The following DOP1B variants were observed in gnomAD, a reference collection of about 807,000 sequenced individuals.
DOP1B encodes the protein protein DOP1B.
A neutral mutation model predicts 233.5 loss-of-function variants in DOP1B; 174 were observed. The ratio of observed to expected loss-of-function variants is 0.75; its 90% CI spans 0.66 to 0.85. The LOEUF is 0.85. Among genes scored for constraint, DOP1B ranks in the 40% least tolerant of loss-of-function variants. The probability of loss-of-function intolerance (pLI) is 0.00; values close to 1 mark genes in which losing one functional copy is unlikely to be tolerated. For synonymous variants in DOP1B, 1,190 were observed against 1,185.6 expected (o/e 1.00, Z -0.08); for missense variants, 2,652 against 2,846.6 (o/e 0.93, Z 1.56).
intron 9 of DOP1B, 78 bp downstream of exon 9, chr21:36,214,634 A>G (rs2066539831): frequency 8.2e-7 from 1 of 1,214,640 alleles, no homozygotes; most frequent in Non-Finnish European, 1.2e-6. Flanking sequence ...ATGGTGAGAT[A>G]CAACCAAAGC....
chr21:36,235,771 A>C (rs1259130477), intron 15 of DOP1B, among the ~76,000 whole-genome samples: 1 of 150,090 alleles, frequency 6.7e-6, no homozygotes, highest in Non-Finnish European at 1.5e-5. Flanking sequence ...TGTGATCGGC[A>C]TCAACTCTCA....
intron 11 of DOP1B, among the ~76,000 whole-genome samples, chr21:36,224,861 T>A (rs184122691): frequency 6.6e-6 from 1 of 151,944 alleles, no homozygotes; most frequent in Non-Finnish European, 1.5e-5. Flanking sequence ...CTGGAATTAC[T>A]TGGAGAGGAG....
chr21:36,276,522 T>G (rs1039379274), intron 27 of DOP1B, among the ~76,000 whole-genome samples: 2 of 142,400 alleles, frequency 1.4e-5, no homozygotes, highest in Non-Finnish European at 3.1e-5. Context: ...CAGAGCAAGA[T>G]CCTGTCTCAA....
intron 2 of DOP1B, chr21:36,170,454 G>A (rs1601378350): frequency 5.6e-6 from 1 of 179,950 alleles, no homozygotes; most frequent in East Asian, 1.8e-4. Context: ...AAATTAGCTG[G>A]GCATGGTGGC....
intron 5 of DOP1B, among the ~76,000 whole-genome samples, chr21:36,209,197 C>G (rs1389584039): frequency 2.0e-5 from 3 of 152,214 alleles, no homozygotes; most frequent in African/African-American, 7.2e-5. Flanking sequence ...CCTCGACTCA[C>G]TGCAAGCTTC....
intron 1 of DOP1B, among the ~76,000 whole-genome samples, chr21:36,158,787 G>A (rs2065843290): frequency 7.2e-6 from 1 of 138,886 alleles, no homozygotes; most frequent in Non-Finnish European, 1.5e-5. Flanking sequence ...TGGCGACAGA[G>A]CGAGACTCTT....
intron 26 of DOP1B, among the ~76,000 whole-genome samples, chr21:36,267,672 G>A (rs1450586908): frequency 1.5e-5 from 2 of 133,510 alleles, no homozygotes; most frequent in Non-Finnish European, 3.1e-5. Flanking sequence ...GTTATTGGGG[G>A]AACTCACCCC....
At chr21:36,171,832 C>T (rs1350207948) in intron 2 of DOP1B, among the ~76,000 whole-genome samples, 1 of 152,212 alleles carries the variant, frequency 6.6e-6, no homozygotes, top group African/African-American at 2.4e-5. Context: ...TCTGTTAACA[C>T]CTCAGTGCTG....
intron 9 of DOP1B, among the ~76,000 whole-genome samples, chr21:36,218,628 A>G (rs1400658393): frequency 6.6e-6 from 1 of 152,230 alleles, no homozygotes; most frequent in Non-Finnish European, 1.5e-5. Flanking sequence ...AAAGAAGTGT[A>G]AAAGATTGGA....
At chr21:36,270,200 G>A (rs201157150) in intron 27 of DOP1B, 43 bp downstream of exon 27, 519 of 1,597,752 alleles carry the variant, frequency 3.2e-4, no homozygotes, top group Non-Finnish European at 4.0e-4. Flanking sequence ...TGGTCAGCGC[G>A]TGGTTCTGGC....
chr21:36,204,747 C>T (rs374829330), intron 4 of DOP1B, among the ~76,000 whole-genome samples: 11 of 151,298 alleles, frequency 7.3e-5, no homozygotes, highest in African/African-American at 2.7e-4. Context: ...CTCCACCTCC[C>T]GGGTACAAGC....
chr21:36,167,174 T>C (rs1270211813), intron 2 of DOP1B, among the ~76,000 whole-genome samples: 1 of 152,156 alleles, frequency 6.6e-6, no homozygotes, highest in Non-Finnish European at 1.5e-5. Context: ...TACTTTTTCT[T>C]TCTTTTCTTT....
chr21:36,271,115 G>A (rs2067283004), intron 27 of DOP1B, among the ~76,000 whole-genome samples: 4 of 149,918 alleles, frequency 2.7e-5, no homozygotes, highest in South Asian at 2.1e-4. Context: ...GGGAAAAGAT[G>A]TTGGAAAGTT....
chr21:36,283,920 G>A (rs1314394784), intron 32 of DOP1B, among the ~76,000 whole-genome samples: 2 of 146,646 alleles, frequency 1.4e-5, no homozygotes, highest in African/African-American at 2.5e-5. Flanking sequence ...TTCAGTCTAA[G>A]AGCAGACACC....
intron 32 of DOP1B, among the ~76,000 whole-genome samples, chr21:36,282,266 C>T (rs377287995): frequency 6.6e-6 from 1 of 151,828 alleles, no homozygotes; most frequent in Non-Finnish European, 1.5e-5. Flanking sequence ...ACTAAAAATA[C>T]AAAATTAGCC....
intron 2 of DOP1B, among the ~76,000 whole-genome samples, chr21:36,188,485 G>C (rs2066191853): frequency 6.6e-6 from 1 of 152,106 alleles, no homozygotes; most frequent in South Asian, 2.1e-4. Flanking sequence ...GTGCTGGTCT[G>C]TTCCATTTTC....
At chr21:36,172,664 G>A (rs1416616778) in intron 2 of DOP1B, among the ~76,000 whole-genome samples, 1 of 152,152 alleles carries the variant, frequency 6.6e-6, no homozygotes. Context: ...AGAAGCCTGA[G>A]GTGGGAGGAT....
chr21:36,275,859 T>TG (rs1276380399), intron 27 of DOP1B, among the ~76,000 whole-genome samples: 1 of 151,762 alleles, frequency 6.6e-6, no homozygotes, highest in Non-Finnish European at 1.5e-5. Context: ...AGCAAAGGAG[T>TG]GAAGGGTAGA....
Position 36,293,663 on chromosome 21 carries a change from T to C in DOP1B, c.*92T>C. 7.2e-7 allele frequency: 1 copy of C among 1,398,298 alleles called. No homozygotes were observed. The highest frequency in any genetic ancestry group is 9.9e-7 in the Non-Finnish European group (1 of 1,011,638). 86.6% of individuals were successfully genotyped at this position (1,398,298 alleles called of 1,614,324 possible). Reference sequence around the variant, plus strand: ...AGAAGAAAGAAGGCAGGATAGTGCTTTTGAACAAGCCTATTTCCATTTTGA... The same window carrying C: ...AGAAGAAAGAAGGCAGGATAGTGCTCTTGAACAAGCCTATTTCCATTTTGA... On this transcript the variant is annotated 3_prime_UTR_variant, in exon 37 of 37. Coordinates refer to ENST00000691173, the MANE Select transcript of DOP1B (RefSeq NM_001320714.2).
Sources: allele counts gnomAD v4.1 joint callset (sites outside exome capture counted in the v4.1 genomes callset), GRCh38; gene constraint gnomAD v4.1.1; transcripts MANE v1.5; gene names NCBI Gene and HGNC (gene_info 2026-07-23, HGNC 2026-07-21).